ZNF462: variants seen among roughly 807,000 people sequenced by gnomAD.
ZNF462 encodes zinc finger PBX1-interacting protein.
A neutral mutation model predicts 201.9 loss-of-function variants in ZNF462; 10 were observed. That is an observed-to-expected ratio of 0.05 (90% CI 0.03 to 0.08). The LOEUF (loss-of-function observed/expected upper bound fraction) is 0.08. Ranked by LOEUF, ZNF462 falls within the 10% of genes least tolerant of loss-of-function variation. The pLI, the probability that ZNF462 is intolerant of heterozygous loss-of-function variation, is 1.00. For synonymous variants in ZNF462, 1,227 were observed against 1,193.3 expected, an observed-to-expected ratio of 1.03 and a Z score of -0.58; for missense variants, 2,523 against 3,168.3, an observed-to-expected ratio of 0.80 and a Z score of 4.89.
rs1445175225 is a variant in ZNF462 at position 106,993,093 on chromosome 9, G to A, written c.7056+8684G>A. Among the ~76,000 whole-genome samples, 2 of 152,072 alleles carry A rather than the reference G, an allele frequency of 1.3e-5. No individual in the cohort carries two copies. The highest frequency in any genetic ancestry group is 2.1e-4 in the South Asian group (1 of 4,822). On this transcript the variant is annotated intron_variant, in intron 10 of 12. Coordinates refer to ENST00000277225, the MANE Select transcript of ZNF462 (RefSeq NM_021224.6). The surrounding 1 kb of genome is among the most constrained non-coding windows in gnomAD (Gnocchi z 4.0). ...AATAGCATTAGGTGATTTGTGTGGT[G>A]GGGAGAATCTACAGAATAAACTATA...
At chr9:106,957,362 A>G (rs1157793893) in intron 7 of ZNF462, among the ~76,000 whole-genome samples, 1 of 152,128 alleles carries the variant, frequency 6.6e-6, no homozygotes, top group Non-Finnish European at 1.5e-5. Flanking sequence ...GGCATGGTTC[A>G]TGACACCACA....
upstream of ZNF462, among the ~76,000 whole-genome samples, chr9:106,862,925 T>C (rs1255645052): frequency 6.6e-6 from 1 of 152,050 alleles, no homozygotes; most frequent in Non-Finnish European, 1.5e-5. The surrounding 1 kb of genome is among the most constrained non-coding windows in gnomAD (Gnocchi z 4.2). Context: ...TCCGGCGTTT[T>C]GTGTGGCAGG....
intron 7 of ZNF462, 21 bp from the exon 8 acceptor site, chr9:106,971,984 A>G (rs752016825): frequency 6.2e-7 from 1 of 1,600,762 alleles, no homozygotes; most frequent in African/African-American, 1.3e-5. Flanking sequence ...GCCCCGTGTC[A>G]TTTTTCCCGT....
Position 106,927,204 on chromosome 9 carries a change from T to TGGGCCCCCCCCCCCCCCCCCCCCCC in ZNF462, c.3292_3293insGGGCCCCCCCCCCCCCCCCCCCCCC (p.Ser1098TrpfsTer23). On this transcript the variant is annotated frameshift_variant, in exon 3 of 13. Coordinates refer to ENST00000277225, the MANE Select transcript of ZNF462 (RefSeq NM_021224.6). LOFTEE classifies it high-confidence loss of function. ...GTCTCCCAAAATGTCCAACATGGGT[T>TGGGCCCCCCCCCCCCCCCCCCCCCC]CCCCACCCCCCCCACAACCCCCGCC... The TGGGCCCCCCCCCCCCCCCCCCCCCC allele has an allele frequency of 6.4e-7, 1 of 1,570,550 alleles. No homozygotes were observed. Among genetic ancestry groups the TGGGCCCCCCCCCCCCCCCCCCCCCC allele is most frequent in the Non-Finnish European group, 8.7e-7 (1 of 1,149,946 alleles).
chr9:106,938,815 T>C lies in ZNF462; in HGVS notation c.6236-101T>C. On this transcript the variant is annotated intron_variant, in intron 6 of 12. Transcript: ENST00000277225. This position sits in a 1 kb window ranked among gnomAD's most constrained non-coding sequence, Gnocchi z 4.4. ...ATAGAACATGAAGCTTGAGATGCGC[T>C]TCTCTAGCATGAGTTAACTGAGTTA... 1 of 1,246,878 alleles carries C rather than the reference T, an allele frequency of 8.0e-7. No homozygotes were observed. The highest frequency in any genetic ancestry group is 2.5e-5 in the East Asian group (1 of 40,496). 77.2% of individuals were successfully genotyped at this position (1,246,878 alleles called of 1,614,324 possible). A position where few individuals can be genotyped will look rare whatever the true frequency, so the allele number is the denominator to read the frequency against.
At chr9:106,892,971 G>A (rs1828654569) in intron 1 of ZNF462, among the ~76,000 whole-genome samples, 3 of 152,174 alleles carry the variant, frequency 2.0e-5, no homozygotes, top group Admixed American at 2.0e-4. Flanking sequence ...GGGGGAAGAT[G>A]ACACAGGTGA....
At chr9:106,944,462 C>T (rs983885509) in intron 7 of ZNF462, among the ~76,000 whole-genome samples, 2 of 152,102 alleles carry the variant, frequency 1.3e-5, no homozygotes, top group African/African-American at 4.8e-5. Flanking sequence ...AATAATTACA[C>T]ATTTGTAGCA....
Position 106,864,051 on chromosome 9 carries a change from T to C in ZNF462, c.-31+696T>C, listed in dbSNP as rs1052306108. Among the ~76,000 whole-genome samples, 143 of 52,664 alleles carry C rather than the reference T, an allele frequency of 2.7e-3. 1 individual carries two copies. Among genetic ancestry groups the C allele is most frequent in the African/African-American group, 8.5e-3 (95 of 11,152 alleles). The allele number at this position is 52,664 out of a possible 152,430, so 34.5% of individuals were successfully genotyped here. A position where few individuals can be genotyped will look rare whatever the true frequency, so the allele number is the denominator to read the frequency against. On this transcript the variant is annotated intron_variant, in intron 1 of 12. Transcript: ENST00000277225. ...CCTCAGGTATTTGGCTCTCTCTCTC[T>C]CTCTCTCTCTCTCTCTCTCTCTCTC...
chr9:106,996,773 T>C (rs1272739022), intron 10 of ZNF462, among the ~76,000 whole-genome samples: 2 of 152,096 alleles, frequency 1.3e-5, no homozygotes, highest in Non-Finnish European at 2.9e-5. Context: ...GTTGATCTTA[T>C]GGCAATATTA....
intron 1 of ZNF462, among the ~76,000 whole-genome samples, chr9:106,894,433 T>C (rs567877021): frequency 1.6e-4 from 25 of 152,358 alleles, no homozygotes; most frequent in Non-Finnish European, 3.4e-4. Flanking sequence ...AGACTTTTCA[T>C]TTTTATGCGG....
rs200071547 is a variant in ZNF462, at chr9:106,928,236, G to A, written c.4324G>A (p.Ala1442Thr). 26 of 1,614,042 alleles carry A rather than the reference G, an allele frequency of 1.6e-5. No homozygotes were observed. Among genetic ancestry groups the A allele is most frequent in the Non-Finnish European group, 2.2e-5 (26 of 1,180,010 alleles). ...ACCCACCCCTTTCCCGGAGCAGGAA[G>A]CTGAATGTCCAGAGGATGCAAGACT... ...SIPTPFPEQE[A>T]ECPEDARLSP... Residue 1442 changes from alanine to threonine, a missense_variant, in exon 3 of 13, where the codon GCT (alanine) becomes ACT (threonine). Physicochemically the swap from Ala to Thr is moderately conservative, Grantham distance 58. Coordinates refer to ENST00000277225, the MANE Select transcript of ZNF462 (RefSeq NM_021224.6). The surrounding 1 kb of genome is among the most constrained non-coding windows in gnomAD (Gnocchi z 9.3).
At chr9:106,975,448 A>C (rs953472695) in intron 9 of ZNF462, 2 of 152,234 alleles carry the variant, frequency 1.3e-5, no homozygotes, top group Admixed American at 1.3e-4. Context: ...ATGTTCATGC[A>C]AACTCAATGG....
In ZNF462 at chr9:106,905,841, A is replaced by G. The variant is rs915585396; in HGVS notation, c.-30-17513A>G. ...GCACCTCCCAGCTGCGAGAAAAAAG[A>G]GTTTTAGTTCTTCCACACCTGTGTA... On this transcript the variant is annotated intron_variant, in intron 1 of 12. Coordinates refer to ENST00000277225, the MANE Select transcript of ZNF462 (RefSeq NM_021224.6). This position sits in a 1 kb window ranked among gnomAD's most constrained non-coding sequence, Gnocchi z 5.9. Among the ~76,000 whole-genome samples the G allele has an allele frequency of 2.0e-5, 3 of 152,142 alleles. No individual in the cohort carries two copies. Among genetic ancestry groups the G allele is most frequent in the African/African-American group, 7.2e-5 (3 of 41,432 alleles).
Position 106,928,714 on chromosome 9 carries a change from A to G in ZNF462, c.4802A>G (p.Asn1601Ser), listed in dbSNP as rs760608910. 2 of 1,613,998 alleles carry G rather than the reference A, an allele frequency of 1.2e-6. No homozygotes were observed. Among genetic ancestry groups the G allele is most frequent in the Non-Finnish European group, 1.7e-6 (2 of 1,180,030 alleles). Residue 1601 changes from asparagine (N) to serine (S), a missense_variant, in exon 3 of 13, where the codon AAT (asparagine) becomes AGT (serine). By Grantham distance (46) the Asn-to-Ser change is conservative. This residue lies in a region of ZNF462 where 200 missense variants were observed against 281.3 expected (regional missense o/e 0.71). Coordinates refer to ENST00000277225, the MANE Select transcript of ZNF462 (RefSeq NM_021224.6). This position sits in a 1 kb window ranked among gnomAD's most constrained non-coding sequence, Gnocchi z 9.3. ...KLKIHYEKYH[N>S]QPEFDVFSQS... ...AAAATCCACTACGAGAAGTATCACA[A>G]TCAGCCTGAATTTGATGTCTTTTCC...
intron 7 of ZNF462, among the ~76,000 whole-genome samples, chr9:106,960,767 G>GA (rs1402879921): frequency 6.6e-6 from 1 of 152,094 alleles, no homozygotes; most frequent in Non-Finnish European, 1.5e-5. Context: ...ATCATTTAAT[G>GA]AAGAAGGAAT....
intron 7 of ZNF462, among the ~76,000 whole-genome samples, chr9:106,944,131 T>G (rs1831003191): frequency 6.6e-6 from 1 of 152,202 alleles, no homozygotes; most frequent in Non-Finnish European, 1.5e-5. Flanking sequence ...ATTTCTAGTA[T>G]GGTCAGCTGT....
rs1406950384 is a variant in ZNF462, at chr9:106,927,964, C to A, written c.4052C>A (p.Ala1351Asp). The A allele has an allele frequency of 6.2e-7, 1 of 1,614,160 alleles. No homozygotes were observed. The highest frequency in any genetic ancestry group is 1.7e-5 in the Admixed American group (1 of 60,022). The change falls in exon 3 of 13, where the codon GCT becomes GAT. Residue 1351 changes from alanine (A) to aspartate (D), a missense_variant. Ala to Asp is a moderately radical substitution (Grantham distance 126, BLOSUM62 -2). Transcript: ENST00000277225. Reference sequence around the variant, plus strand: ...ACCTACATGGCTACTAAACTGTGGGCTGGGCCAGACCCATCCCCTCCCTCT... The same window carrying A: ...ACCTACATGGCTACTAAACTGTGGGATGGGCCAGACCCATCCCCTCCCTCT... ...DYTYMATKLW[A>D]GPDPSPPSLT... is the part of the protein sequence containing the mutation.
At chr9:106,943,127 C>T (rs1286216148) in intron 7 of ZNF462, among the ~76,000 whole-genome samples, 4 of 148,910 alleles carry the variant, frequency 2.7e-5, no homozygotes, top group Middle Eastern at 3.4e-3. Context: ...CCAGAGAAAA[C>T]AGAAAGAACA....
chr9:106,934,328 G>C (rs1288876647), intron 5 of ZNF462, among the ~76,000 whole-genome samples: 1 of 152,026 alleles, frequency 6.6e-6, no homozygotes, highest in Non-Finnish European at 1.5e-5. Context: ...ATGGGGGCTG[G>C]GGGACAAGGA....
Sources: gnomAD v4.1 joint callset for allele counts (sites outside exome capture counted in the v4.1 genomes callset) on GRCh38, gnomAD v4.1.1 for gene constraint, gnomAD v4.1.1 regional missense constraint, Gnocchi (gnomAD v3.1) non-coding constraint, MANE v1.5 for transcripts, NCBI Gene and HGNC (gene_info 2026-07-23, HGNC 2026-07-21) for gene names.